The following ATF7IP variants were observed in gnomAD, a reference collection of about 807,000 sequenced individuals.
ATF7IP encodes the protein activating transcription factor 7-interacting protein 1.
Under a neutral mutation model 106.4 loss-of-function variants are expected in ATF7IP, and 23 were observed. The observed-to-expected ratio is 0.22, with a 90% confidence interval of 0.16 to 0.31. The LOEUF (loss-of-function observed/expected upper bound fraction) is 0.31, where lower values mean the gene tolerates loss of function less well. ATF7IP is among the 10% of genes least tolerant of loss of function. The pLI is 1.00. For synonymous variants in ATF7IP, 542 were observed against 539.0 expected (o/e 1.01, Z -0.08); for missense variants, 1,334 against 1,524.3 (o/e 0.88, Z 2.08).
chr12:14,459,646 A>G (rs1943564483), intron 8 of ATF7IP, among the ~76,000 whole-genome samples: 2 of 152,206 alleles, frequency 1.3e-5, no homozygotes, highest in East Asian at 1.9e-4. Context: ...ACTCCCTGAA[A>G]GGGTCTCAGA....
intron 1 of ATF7IP, among the ~76,000 whole-genome samples, chr12:14,423,208 A>T (rs1222420827): frequency 3.3e-5 from 5 of 152,160 alleles, no homozygotes; most frequent in Admixed American, 2.6e-4. Context: ...AAGTCCTTTG[A>T]CCATTTTTAA....
intron 1 of ATF7IP, among the ~76,000 whole-genome samples, chr12:14,384,599 G>T (rs1331726955): frequency 6.6e-6 from 1 of 152,094 alleles, no homozygotes; most frequent in Admixed American, 6.6e-5. Context: ...CTGTACTACT[G>T]AAGAGAAGAA....
intron 1 of ATF7IP, among the ~76,000 whole-genome samples, chr12:14,417,642 TG>T (rs1941271047): frequency 6.6e-6 from 1 of 152,202 alleles, no homozygotes; most frequent in Non-Finnish European, 1.5e-5. Flanking sequence ...TTTATATTAA[TG>T]TATATTTCTT....
At chr12:14,403,374 T>C (rs1940366461) in intron 1 of ATF7IP, among the ~76,000 whole-genome samples, 1 of 151,868 alleles carries the variant, frequency 6.6e-6, no homozygotes, top group Non-Finnish European at 1.5e-5. Context: ...TAACCAGGAA[T>C]ATGAGGATAA....
At chr12:14,494,331 A>ATGTGTGTGTGTGTG (rs1207326378) in intron 13 of ATF7IP, among the ~76,000 whole-genome samples, 2 of 90,614 alleles carry the variant, frequency 2.2e-5, no homozygotes, top group African/African-American at 9.0e-5. Context: ...ATATATATAT[A>ATGTGTGTGTGTGTG]TATGTGTGTG....
At chr12:14,406,745 A>G (rs1258301638) in intron 1 of ATF7IP, among the ~76,000 whole-genome samples, 1 of 145,100 alleles carries the variant, frequency 6.9e-6, no homozygotes, top group Non-Finnish European at 1.5e-5. Flanking sequence ...GCTCACTGCC[A>G]CCACGCCTGG....
At chr12:14,390,641 G>C (rs1171079913) in intron 1 of ATF7IP, among the ~76,000 whole-genome samples, 5 of 152,222 alleles carry the variant, frequency 3.3e-5, no homozygotes, top group Non-Finnish European at 7.4e-5. Flanking sequence ...GTTGAGCTAA[G>C]AAGTTTATCA....
At chr12:14,473,288 CTCTGTGTGTGTGTG>C (rs1318323476) in intron 10 of ATF7IP, among the ~76,000 whole-genome samples, 13 of 140,350 alleles carry the variant, frequency 9.3e-5, no homozygotes, top group African/African-American at 1.6e-4. Flanking sequence ...CTCTCTCTCT[CTCTGTGTGTGTGTG>C]TGTGTGTGTG....
In ATF7IP at chr12:14,424,630, C is replaced by T. The variant is rs779159992; in HGVS notation, c.715C>T (p.Leu239=). 1.9e-6 allele frequency: 3 copies of T among 1,614,028 alleles called. No individual in the cohort carries two copies. In the African/African-American group the frequency reaches 4.0e-5, roughly 22 times the overall value. Reference sequence around the variant, plus strand: ...CTCTAGTGAAATAACTTCTGTTGATCTGGCTTCTGGAGCACCAGCTTCCAC... The same window carrying T: ...CTCTAGTGAAATAACTTCTGTTGATTTGGCTTCTGGAGCACCAGCTTCCAC... ...IASSEITSVD[L]ASGAPASTDP... is the part of the protein sequence containing the mutation. The change falls in exon 2 of 15, where the codon CTG becomes TTG. Residue 239 remains leucine (L), a synonymous_variant. Coordinates refer to ENST00000261168, the MANE Select transcript of ATF7IP (RefSeq NM_018179.5).
intron 10 of ATF7IP, among the ~76,000 whole-genome samples, chr12:14,473,914 G>A (rs889559532): frequency 1.3e-5 from 2 of 151,106 alleles, no homozygotes; most frequent in Admixed American, 6.6e-5. Flanking sequence ...CCTGTATAAC[G>A]TATAATTTGT....
intron 4 of ATF7IP, among the ~76,000 whole-genome samples, 153 bp from the exon 5 acceptor site, chr12:14,437,977 C>T (rs544790448): frequency 4.6e-5 from 7 of 152,098 alleles, no homozygotes; most frequent in African/African-American, 1.2e-4. Flanking sequence ...GGCGTGAACC[C>T]GGGAGGCGGA....
rs368489982 is a variant in ATF7IP, at chr12:14,425,010, T to G, written c.1095T>G (p.Pro365=). The G allele has an allele frequency of 6.8e-6, 11 of 1,611,644 alleles. No individual in the cohort carries two copies. The Admixed American group carries it at 1.3e-4, about 20-fold the overall frequency. ...DDTTICSDRP[P]ENEKKVEEDI... ...CAACTATTTGTTCAGATCGACCTCC[T>G]GAAAATGAAAAGAAGGTAGAGGAAG... is the stretch of plus-strand genomic sequence containing the variant. The change falls in exon 2 of 15, where the codon CCT becomes CCG. Residue 365 remains proline, a synonymous_variant. Transcript: ENST00000261168.
chr12:14,395,769 G>T (rs1208810760), intron 1 of ATF7IP, among the ~76,000 whole-genome samples: 3 of 151,842 alleles, frequency 2.0e-5, no homozygotes, highest in Non-Finnish European at 4.4e-5. Flanking sequence ...ATATAACTTG[G>T]TCAATTTTCT....
chr12:14,431,428 T>A (rs560714184), intron 2 of ATF7IP, among the ~76,000 whole-genome samples: 1 of 150,742 alleles, frequency 6.6e-6, no homozygotes, highest in Non-Finnish European at 1.5e-5. Context: ...GGCGTCTCGC[T>A]CTGTCACCCA....
chr12:14,497,561 C>T, intron 14 of ATF7IP, 93 bp from the exon 15 acceptor site: 1 of 1,255,690 alleles, frequency 8.0e-7, no homozygotes, highest in Non-Finnish European at 1.1e-6. Context: ...TAAAATGATA[C>T]TTCTACGTAT....
chr12:14,389,158 G>C (rs1717053085), intron 1 of ATF7IP, among the ~76,000 whole-genome samples: 1 of 152,084 alleles, frequency 6.6e-6, no homozygotes. Context: ...AGTGTGATTG[G>C]ATCAGTGTGT....
At chr12:14,435,856 A>C (rs1192221437) in intron 3 of ATF7IP, among the ~76,000 whole-genome samples, 1 of 152,224 alleles carries the variant, frequency 6.6e-6, no homozygotes. Context: ...TAGTATGAAG[A>C]TTTCAAGGAA....
chr12:14,417,785 T>C (rs1941279758), intron 1 of ATF7IP, among the ~76,000 whole-genome samples: 2 of 152,236 alleles, frequency 1.3e-5, no homozygotes, highest in Admixed American at 1.3e-4. Context: ...AGATTACTTA[T>C]TTCAAACAAA....
intron 5 of ATF7IP, among the ~76,000 whole-genome samples, chr12:14,443,786 T>C (rs1942821428): frequency 1.3e-5 from 2 of 152,132 alleles, no homozygotes; most frequent in African/African-American, 4.8e-5. Flanking sequence ...TAGAATTAAG[T>C]TGGCAAACTG....
Sources: allele counts gnomAD v4.1 joint callset (sites outside exome capture counted in the v4.1 genomes callset), GRCh38; gene constraint gnomAD v4.1.1; transcripts MANE v1.5; gene names NCBI Gene and HGNC (gene_info 2026-07-23, HGNC 2026-07-21).